Variants in ADCY10 observed in about 807,000 individuals in gnomAD.
The protein encoded by ADCY10 is adenylate cyclase type 10.
A neutral mutation model predicts 183.3 loss-of-function variants in ADCY10; 156 were observed. The observed-to-expected ratio is 0.85, with a 90% CI of 0.75 to 0.97. The LOEUF (loss-of-function observed/expected upper bound fraction) is 0.97. ADCY10 is among the 50% of genes least tolerant of loss of function. The pLI is 0.00. For missense variants in ADCY10, 1,745 were observed against 1,934.3 expected (o/e 0.90, Z 1.84); for synonymous variants, 645 against 670.0 (o/e 0.96, Z 0.58).
chr1:167,828,885 C>T (rs1663504560), intron 26 of ADCY10, among the ~76,000 whole-genome samples: 1 of 152,040 alleles, frequency 6.6e-6, no homozygotes, highest in Admixed American at 6.6e-5. Flanking sequence ...TCTCTTGAAC[C>T]CGGGAAGTGG....
Position 167,901,797 on chromosome 1 carries a change from G to A in ADCY10, c.301C>T (p.Leu101=). The A allele has an allele frequency of 6.2e-7, 1 of 1,614,212 alleles. No individual in the cohort carries two copies. Among genetic ancestry groups the A allele is most frequent in the Middle Eastern group, 1.6e-4 (1 of 6,062 alleles). Reference sequence around the variant, plus strand: ...CGCTCCACCCTCCACAGGGCTAGCAGTGCATCACCTTCAGAGAGAGACATG... The same window carrying A: ...CGCTCCACCCTCCACAGGGCTAGCAATGCATCACCTTCAGAGAGAGACATG... ...GDILKFAGDA[L]LALWRVERKQ... The change falls in exon 5 of 33, where the codon CTG becomes TTG. Residue 101 remains leucine, a synonymous_variant. Transcript: ENST00000367851.
At chr1:167,851,016 T>C (rs1665440419) in intron 18 of ADCY10, among the ~76,000 whole-genome samples, 1 of 152,194 alleles carries the variant, frequency 6.6e-6, no homozygotes, top group South Asian at 2.1e-4. Flanking sequence ...ATGTACTCCC[T>C]ACTCAGGTTC....
chr1:167,837,835 T>C (rs1037006792), intron 21 of ADCY10, among the ~76,000 whole-genome samples: 12 of 152,216 alleles, frequency 7.9e-5, no homozygotes, highest in African/African-American at 2.4e-4. Flanking sequence ...TGGAGAAATA[T>C]AGATAATTAA....
rs770043251 is a variant in ADCY10 at position 167,834,044 on chromosome 1, G to C, written c.3343C>G (p.Leu1115Val). The change falls in exon 24 of 33, where the codon CTA becomes GTA. Residue 1115 changes from leucine to valine, a missense_variant. Coordinates refer to ENST00000367851, the MANE Select transcript of ADCY10 (RefSeq NM_018417.6). ...YMYLNEGQKLLKTLKKDKSWS... is the reference protein window; with the variant it reads ...YMYLNEGQKLVKTLKKDKSWS... ...GATTTGTCCTTCTTGAGAGTTTTTAGCAACTTCTGTCCTTCATTCAAATAC... is the reference window on the plus strand; with the variant it reads ...GATTTGTCCTTCTTGAGAGTTTTTACCAACTTCTGTCCTTCATTCAAATAC... The C allele has an allele frequency of 1.1e-5, 17 of 1,614,108 alleles. No homozygotes were observed. The highest frequency in any genetic ancestry group is 1.4e-5 in the Non-Finnish European group (16 of 1,180,014).
chr1:167,856,238 CTGCACCAAT>C lies in ADCY10; in HGVS notation c.2089_2097del (p.Ile697_Ala699del). 1 of 1,613,840 alleles carries C rather than the reference CTGCACCAAT, an allele frequency of 6.2e-7. No homozygotes were observed. Among genetic ancestry groups the C allele is most frequent in the Non-Finnish European group, 8.5e-7 (1 of 1,179,802 alleles). On this transcript the variant is annotated inframe_deletion, in exon 17 of 33. Coordinates refer to ENST00000367851, the MANE Select transcript of ADCY10 (RefSeq NM_018417.6). ...TTGTTGGAGATGTCGTTAGGCTGTA[CTGCACCAAT>C]GACAATGTAGGTGGTGTTCCTGTTC...
chr1:167,896,610 A>C lies in ADCY10; in HGVS notation c.724T>G (p.Ser242Ala). ...GGGTACTTACTTTTGTGCTCACCAGAAGGATAATAATGCATGAAGGTCGTA... is the reference window on the plus strand; with the variant it reads ...GGGTACTTACTTTTGTGCTCACCAGCAGGATAATAATGCATGAAGGTCGTA... ...KCTTFMHYYP[S>A]GEHKNLLRLA... is the part of the protein sequence containing the mutation. The change falls in exon 7 of 33, where the codon TCT (serine) becomes GCT (alanine). Residue 242 changes from serine (S) to alanine (A), a missense_variant. By Grantham distance (99) the Ser-to-Ala change is moderately conservative. Coordinates refer to ENST00000367851, the MANE Select transcript of ADCY10 (RefSeq NM_018417.6). 6.2e-7 allele frequency: 1 copy of C among 1,612,812 alleles called. No individual in the cohort carries two copies. The highest frequency in any genetic ancestry group is 8.5e-7 in the Non-Finnish European group (1 of 1,178,782).
Position 167,809,847 on chromosome 1 carries a change from G to A in ADCY10, c.4672-8C>T, listed in dbSNP as rs1277324185. ...GGTTGAGTACCATGATTCCTGAGAGGAAAGAAACAGAACAAAGAAATCATT... is the reference window on the plus strand; with the variant it reads ...GGTTGAGTACCATGATTCCTGAGAGAAAAGAAACAGAACAAAGAAATCATT... On this transcript the variant is annotated splice_polypyrimidine_tract_variant and splice_region_variant and intron_variant, in intron 32 of 32. Transcript: ENST00000367851. The A allele has an allele frequency of 6.2e-7, 1 of 1,613,582 alleles. No homozygotes were observed. The highest frequency in any genetic ancestry group is 1.1e-5 in the South Asian group (1 of 91,062).
chr1:167,853,772 G>T (rs147564126), intron 18 of ADCY10, among the ~76,000 whole-genome samples: 1 of 151,026 alleles, frequency 6.6e-6, no homozygotes, highest in East Asian at 1.9e-4. Context: ...ACATCAAAGC[G>T]GCCCTTCAGT....
intron 3 of ADCY10, among the ~76,000 whole-genome samples, chr1:167,903,640 CA>C (rs1458065266): frequency 2.6e-5 from 4 of 152,118 alleles, no homozygotes; most frequent in African/African-American, 9.7e-5. Context: ...CTTTTAAAAG[CA>C]GTGTATAATT....
At chr1:167,884,457 T>C (rs1008298924) in intron 8 of ADCY10, among the ~76,000 whole-genome samples, 1 of 152,134 alleles carries the variant, frequency 6.6e-6, no homozygotes, top group Non-Finnish European at 1.5e-5. Context: ...TCCACCAACA[T>C]TGGGGATTAT....
At chr1:167,815,118 C>T (rs1662449507) in intron 31 of ADCY10, among the ~76,000 whole-genome samples, 1 of 152,064 alleles carries the variant, frequency 6.6e-6, no homozygotes, top group Non-Finnish European at 1.5e-5. Flanking sequence ...GAGTGAGACT[C>T]TGTCTCCAAC....
intron 24 of ADCY10, among the ~76,000 whole-genome samples, chr1:167,833,515 G>A (rs753336124): frequency 2.6e-5 from 4 of 152,164 alleles, no homozygotes; most frequent in Non-Finnish European, 2.9e-5. Context: ...GGAGGTCAGG[G>A]CGGGCGGATC....
intron 32 of ADCY10, among the ~76,000 whole-genome samples, chr1:167,810,502 C>T (rs558391645): frequency 5.3e-5 from 8 of 152,266 alleles, no homozygotes; most frequent in African/African-American, 1.7e-4. Flanking sequence ...CAAAAGGCAC[C>T]ATCTGTGAGG....
chr1:167,870,558 C>T (rs996081261), intron 13 of ADCY10, 148 bp from the exon 14 acceptor site: 11 of 653,678 alleles, frequency 1.7e-5, no homozygotes, highest in Admixed American at 2.5e-5. Context: ...TTTGGGAGGC[C>T]GAGGTGGGCG....
In ADCY10 at chr1:167,899,510, A is replaced by G. The variant is rs1203434533; in HGVS notation, c.555T>C (p.Asn185=). 24 of 1,614,184 alleles carry G rather than the reference A, an allele frequency of 1.5e-5. No individual in the cohort carries two copies. Among genetic ancestry groups the G allele is most frequent in the Non-Finnish European group, 1.7e-5 (20 of 1,180,034 alleles). The change falls in exon 6 of 33, where the codon AAT becomes AAC. Residue 185 remains asparagine, a synonymous_variant. Coordinates refer to ENST00000367851, the MANE Select transcript of ADCY10 (RefSeq NM_018417.6). The stretch of plus-strand genomic sequence containing the variant: ...AGCAGTTTGGTGACAGAATAACATC[A>G]TTCATCTGAGCCATGTTCTGGGCAA... ...VRLAQNMAQM[N]DVILSPNCWQ...
In ADCY10 at chr1:167,829,153, G is replaced by A. The variant is rs61157519; in HGVS notation, c.3750+114C>T. 0.072 allele frequency: 91,943 copies of A among 1,285,644 alleles called. 3,804 individuals carry two copies. Among genetic ancestry groups the A allele is most frequent in the African/African-American group, 0.15 (9,935 of 68,092 alleles). The allele number at this position is 1,285,644 out of a possible 1,614,324, so 79.6% of individuals were successfully genotyped here. A position where few individuals can be genotyped will look rare whatever the true frequency, so the allele number is the denominator to read the frequency against. Reference sequence around the variant, plus strand: ...TGGCCTTGTCAAAACAAGCCAATCAGAAAGCCTTCTATTATTATATCCTCA... The same window carrying A: ...TGGCCTTGTCAAAACAAGCCAATCAAAAAGCCTTCTATTATTATATCCTCA... On this transcript the variant is annotated intron_variant, in intron 26 of 32. Transcript: ENST00000367851.
chr1:167,887,241 G>T (rs1210774870), intron 8 of ADCY10, among the ~76,000 whole-genome samples: 2 of 152,152 alleles, frequency 1.3e-5, no homozygotes, highest in Admixed American at 1.3e-4. Context: ...AAAGACACAT[G>T]CACATGTATG....
intron 9 of ADCY10, 51 bp downstream of exon 9, chr1:167,883,386 A>C: frequency 6.3e-7 from 1 of 1,591,538 alleles, no homozygotes; most frequent in Non-Finnish European, 8.6e-7. Context: ...CTTGTCCATG[A>C]ATGCTAACCT....
intron 13 of ADCY10, among the ~76,000 whole-genome samples, chr1:167,873,545 A>G (rs1472417104): frequency 6.6e-6 from 1 of 152,190 alleles, no homozygotes; most frequent in African/African-American, 2.4e-5. Flanking sequence ...TGCTACTAGA[A>G]GTGGCTGCCT....
Sources: allele counts gnomAD v4.1 joint callset (sites outside exome capture counted in the v4.1 genomes callset), GRCh38; gene constraint gnomAD v4.1.1; transcripts MANE v1.5; gene names NCBI Gene and HGNC (gene_info 2026-07-23, HGNC 2026-07-21).